Variants in LRP1B observed in about 807,000 individuals in gnomAD.
The protein encoded by LRP1B is LDL receptor related protein 1B, also known as low-density lipoprotein receptor-related protein 1B.
A neutral mutation model predicts 556.6 loss-of-function variants in LRP1B; 217 were observed. The ratio of observed to expected loss-of-function variants is 0.39; its 90% CI spans 0.35 to 0.44. The LOEUF (loss-of-function observed/expected upper bound fraction) is 0.44. LRP1B is among the 20% of genes least tolerant of loss of function. The pLI is 1.00. For synonymous variants in LRP1B, 2,047 were observed against 1,865.8 expected (o/e 1.10, Z -2.50); for missense variants, 5,053 against 5,620.8 (o/e 0.90, Z 3.23).
At position 141,106,757 on chromosome 2, in the gene LRP1B, C is replaced by T. The variant is rs188646214; in HGVS notation, c.1014-44484G>A. 2.0e-4 allele frequency among the ~76,000 whole-genome samples: 30 copies of T among 152,296 alleles called. No homozygotes were observed. In the East Asian group the frequency reaches 5.8e-3, roughly 30 times the overall value. On this transcript the variant is annotated intron_variant, in intron 7 of 90. Transcript: ENST00000389484. Reference sequence around the variant, plus strand: ...TCTCTTACTAAGGAGCCCCGCTGAACTATTCTGTAGCGTTCTCTCTTTCCA... The same window carrying T: ...TCTCTTACTAAGGAGCCCCGCTGAATTATTCTGTAGCGTTCTCTCTTTCCA...
chr2:141,987,143 G>A (rs996242324), intron 1 of LRP1B, among the ~76,000 whole-genome samples: 3 of 58,504 alleles, frequency 5.1e-5, no homozygotes, highest in Admixed American at 2.2e-4. Flanking sequence ...AGAGCTGAAA[G>A]ATAATACATT....
chr2:141,788,503 C>T (rs1165671380), intron 2 of LRP1B, among the ~76,000 whole-genome samples: 2 of 151,698 alleles, frequency 1.3e-5, no homozygotes. Context: ...CCTAATTGTA[C>T]TATTATTCTT....
At chr2:141,580,619 AT>A (rs1553538335) in intron 2 of LRP1B, among the ~76,000 whole-genome samples, 1 of 152,226 alleles carries the variant, frequency 6.6e-6, no homozygotes, top group African/African-American at 2.4e-5. Context: ...TTGAAAGACC[AT>A]ATAAAAATAA....
intron 18 of LRP1B, among the ~76,000 whole-genome samples, chr2:140,957,968 G>A (rs183599965): frequency 5.3e-5 from 8 of 151,508 alleles, no homozygotes; most frequent in Admixed American, 1.3e-4. Flanking sequence ...AATCAGTCAC[G>A]AGCTCTACTT....
intron 2 of LRP1B, among the ~76,000 whole-genome samples, chr2:141,767,219 T>C (rs1457661811): frequency 6.6e-6 from 1 of 152,092 alleles, no homozygotes; most frequent in Non-Finnish European, 1.5e-5. Context: ...CTTCATCCTT[T>C]AGTATCTGGC....
chr2:141,400,111 A>G (rs1690394917), intron 3 of LRP1B, among the ~76,000 whole-genome samples: 1 of 152,038 alleles, frequency 6.6e-6, no homozygotes, highest in Non-Finnish European at 1.5e-5. Flanking sequence ...TCAGGCTCCC[A>G]GCTGCATGCT....
chr2:140,247,264 G>A, intron 86 of LRP1B, 102 bp from the exon 87 acceptor site: 3 of 740,332 alleles, frequency 4.1e-6, no homozygotes, highest in Non-Finnish European at 7.2e-6. Context: ...ACAGGAGCCA[G>A]TCATCACAAA....
Position 141,650,564 on chromosome 2 carries a change from A to T in LRP1B, c.205+159715T>A, listed in dbSNP as rs146602051. Among the ~76,000 whole-genome samples, 416 of 152,344 alleles carry T rather than the reference A, an allele frequency of 2.7e-3. 2 individuals are homozygous for T. Among genetic ancestry groups the T allele is most frequent in the African/African-American group, 9.4e-3 (389 of 41,582 alleles). ...CTCAAAATGGATTAGGATAGGGAAGAGGCAAGGGTGAAAGCCAGAAAAACA... is the reference window on the plus strand; with the variant it reads ...CTCAAAATGGATTAGGATAGGGAAGTGGCAAGGGTGAAAGCCAGAAAAACA... On this transcript the variant is annotated intron_variant, in intron 2 of 90. Transcript: ENST00000389484.
chr2:140,513,876 C>G (rs1022500778), intron 51 of LRP1B, among the ~76,000 whole-genome samples: 7 of 151,896 alleles, frequency 4.6e-5, no homozygotes, highest in Non-Finnish European at 8.8e-5. Flanking sequence ...GAATATATAG[C>G]TACAGGTACA....
At chr2:141,150,216 A>G (rs1435625945) in intron 7 of LRP1B, among the ~76,000 whole-genome samples, 1 of 152,196 alleles carries the variant, frequency 6.6e-6, no homozygotes, top group Non-Finnish European at 1.5e-5. Flanking sequence ...AAAACAATGA[A>G]TTGTCAAATT....
At chr2:141,442,602 C>G (rs4511668) in intron 3 of LRP1B, among the ~76,000 whole-genome samples, 22,098 of 151,932 alleles carry the variant, frequency 0.15, 1,810 homozygotes, top group South Asian at 0.27. Flanking sequence ...CAAACATGCC[C>G]CAGTGTGTGA....
chr2:140,838,947 T>C (rs1409778617), intron 31 of LRP1B, among the ~76,000 whole-genome samples: 2 of 152,242 alleles, frequency 1.3e-5, no homozygotes, highest in Admixed American at 6.5e-5. Flanking sequence ...AAGATGTTTC[T>C]TGGGAACAAG....
At chr2:141,803,371 C>G (rs1696073476) in intron 2 of LRP1B, among the ~76,000 whole-genome samples, 1 of 151,756 alleles carries the variant, frequency 6.6e-6, no homozygotes, top group Non-Finnish European at 1.5e-5. Context: ...ACACTGATCC[C>G]CACCTTCCTA....
intron 1 of LRP1B, among the ~76,000 whole-genome samples, chr2:142,055,584 A>G (rs1373960759): frequency 1.3e-5 from 2 of 152,148 alleles, no homozygotes; most frequent in Non-Finnish European, 2.9e-5. Flanking sequence ...TCACCTTATT[A>G]TATACCTTAT....
chr2:141,235,408 A>G (rs1683614554), intron 5 of LRP1B, among the ~76,000 whole-genome samples: 1 of 152,172 alleles, frequency 6.6e-6, no homozygotes, highest in South Asian at 2.1e-4. Context: ...TATCTTTCAT[A>G]AAAGACGTAT....
At chr2:140,370,367 A>G (rs1682941824) in intron 71 of LRP1B, among the ~76,000 whole-genome samples, 1 of 152,036 alleles carries the variant, frequency 6.6e-6, no homozygotes, top group Admixed American at 6.6e-5. Flanking sequence ...GGATATACAG[A>G]AAATTCAAGA....
intron 23 of LRP1B, among the ~76,000 whole-genome samples, chr2:140,895,876 T>C (rs961999606): frequency 6.6e-6 from 1 of 152,166 alleles, no homozygotes; most frequent in African/African-American, 2.4e-5. Context: ...AGCTGTTTTT[T>C]TCTCTTCTTC....
At chr2:140,336,286 CTT>C (rs1270219685) in intron 77 of LRP1B, among the ~76,000 whole-genome samples, 1 of 151,686 alleles carries the variant, frequency 6.6e-6, no homozygotes, top group Non-Finnish European at 1.5e-5. Context: ...AATTTTTAAT[CTT>C]TTCATTGCTC....
At chr2:141,432,876 T>TGTATTTG (rs1680613745) in intron 3 of LRP1B, among the ~76,000 whole-genome samples, 2 of 152,008 alleles carry the variant, frequency 1.3e-5, no homozygotes, top group African/African-American at 4.8e-5. Context: ...ATTGATCTTC[T>TGTATTTG]CTCTCTTTTT....
Sources: allele counts gnomAD v4.1 joint callset (sites outside exome capture counted in the v4.1 genomes callset), GRCh38; gene constraint gnomAD v4.1.1; transcripts MANE v1.5; gene names NCBI Gene and HGNC (gene_info 2026-07-23, HGNC 2026-07-21).